Variants in MGAT4C observed in about 807,000 individuals in gnomAD.
MGAT4C encodes MGAT4 family member C.
A neutral mutation model predicts 40.1 loss-of-function variants in MGAT4C; 19 were observed. That is an observed-to-expected ratio of 0.47 (90% CI 0.33 to 0.70). The LOEUF is 0.70. MGAT4C is among the 30% of genes least tolerant of loss of function. The pLI is 0.02. For missense variants in MGAT4C, 491 were observed against 563.2 expected, an observed-to-expected ratio of 0.87 and a Z score of 1.30; for synonymous variants, 181 against 187.1, an observed-to-expected ratio of 0.97 and a Z score of 0.27.
At chr12:86,761,655 G>A (rs1009525815) in intron 1 of MGAT4C, among the ~76,000 whole-genome samples, 2 of 152,132 alleles carry the variant, frequency 1.3e-5, no homozygotes, top group Non-Finnish European at 2.9e-5. Context: ...TGCTCTCATG[G>A]GAGAATTAAT....
At chr12:86,334,024 T>G (rs985050878) in intron 4 of MGAT4C, 1 of 152,174 alleles carries the variant, frequency 6.6e-6, no homozygotes, top group Non-Finnish European at 1.5e-5. Flanking sequence ...GACAGTTATA[T>G]AGCATAGTAA....
intron 1 of MGAT4C, among the ~76,000 whole-genome samples, chr12:86,150,786 G>A (rs1257825913): frequency 1.3e-5 from 2 of 152,180 alleles, no homozygotes; most frequent in African/African-American, 4.8e-5. Context: ...AAAGGTGCAA[G>A]GTGCAAGGAA....
intron 1 of MGAT4C, among the ~76,000 whole-genome samples, chr12:86,779,750 A>G (rs1193428001): frequency 6.6e-6 from 1 of 151,906 alleles, no homozygotes; most frequent in African/African-American, 2.4e-5. Context: ...CATCTCTACT[A>G]AAAATACAAA....
At chr12:86,361,563 G>A (rs1015518063) in intron 3 of MGAT4C, among the ~76,000 whole-genome samples, 2 of 152,164 alleles carry the variant, frequency 1.3e-5, no homozygotes, top group East Asian at 1.9e-4. Flanking sequence ...TACAGAATGG[G>A]AGAAAATTTT....
At chr12:86,742,450 AG>A (rs1360884998) in intron 1 of MGAT4C, among the ~76,000 whole-genome samples, 1 of 151,534 alleles carries the variant, frequency 6.6e-6, no homozygotes, top group East Asian at 1.9e-4. Context: ...TCTGCTTAAT[AG>A]TGCCTTAAAA....
At chr12:86,221,380 T>C (rs918438081) in intron 1 of MGAT4C, among the ~76,000 whole-genome samples, 5 of 152,108 alleles carry the variant, frequency 3.3e-5, no homozygotes, top group African/African-American at 1.2e-4. Context: ...AAGGAGATAA[T>C]ATAAAGAATC....
chr12:86,179,570 G>C (rs899895960), intron 1 of MGAT4C, among the ~76,000 whole-genome samples: 1 of 152,142 alleles, frequency 6.6e-6, no homozygotes, highest in Non-Finnish European at 1.5e-5. Flanking sequence ...AGGCTGAGAT[G>C]GTCTCAGATG....
intron 3 of MGAT4C, among the ~76,000 whole-genome samples, chr12:86,376,836 GAGAGAGAC>G (rs1313124870): frequency 1.9e-5 from 2 of 102,956 alleles, no homozygotes; most frequent in East Asian, 2.7e-4. Flanking sequence ...GAGAGAGAGA[GAGAGAGAC>G]AGAGAGAGAG....
At chr12:86,559,741 C>G (rs542418561) in intron 2 of MGAT4C, among the ~76,000 whole-genome samples, 29 of 151,588 alleles carry the variant, frequency 1.9e-4, no homozygotes, top group Admixed American at 1.1e-3. Context: ...TCTCAAAAAA[C>G]AAGAAAAGCA....
chr12:86,563,368 A>G (rs904244708), intron 2 of MGAT4C, among the ~76,000 whole-genome samples: 1 of 152,214 alleles, frequency 6.6e-6, no homozygotes, highest in African/African-American at 2.4e-5. Flanking sequence ...GCATGGGCTA[A>G]TTAATCACAG....
chr12:86,058,319 A>T (rs932544671), intron 1 of MGAT4C, among the ~76,000 whole-genome samples: 1 of 152,126 alleles, frequency 6.6e-6, no homozygotes, highest in African/African-American at 2.4e-5. Flanking sequence ...TATAAATCTC[A>T]AAAAATCTAT....
chr12:86,714,587 T>C (rs1417181001), intron 2 of MGAT4C, among the ~76,000 whole-genome samples: 1 of 152,108 alleles, frequency 6.6e-6, no homozygotes, highest in African/African-American at 2.4e-5. Flanking sequence ...ATTTGCTCTT[T>C]GCCTGCCACC....
At chr12:86,245,066 C>A (rs1188359219) in intron 1 of MGAT4C, among the ~76,000 whole-genome samples, 1 of 152,108 alleles carries the variant, frequency 6.6e-6, no homozygotes, top group Non-Finnish European at 1.5e-5. Context: ...GGAATTAATG[C>A]CTAGCCAACT....
intron 2 of MGAT4C, among the ~76,000 whole-genome samples, chr12:86,037,989 G>A (rs1891411296): frequency 6.7e-6 from 1 of 149,572 alleles, no homozygotes; most frequent in Admixed American, 6.7e-5. Context: ...GGAGTCAAAG[G>A]AATGGGAAAT....
At chr12:86,785,769 T>A (rs2136188042) in intron 1 of MGAT4C, among the ~76,000 whole-genome samples, 1 of 151,482 alleles carries the variant, frequency 6.6e-6, no homozygotes, top group East Asian at 1.9e-4. Flanking sequence ...ACTGTATATA[T>A]GTGTATATGT....
chr12:86,510,647 T>A (rs1257225986), intron 2 of MGAT4C, among the ~76,000 whole-genome samples: 2 of 151,900 alleles, frequency 1.3e-5, no homozygotes, highest in Admixed American at 1.3e-4. Flanking sequence ...TGGAGGAAGA[T>A]CTACCAAGCA....
chr12:86,577,471 G>C (rs1032695361), intron 2 of MGAT4C, among the ~76,000 whole-genome samples: 11 of 151,658 alleles, frequency 7.3e-5, no homozygotes, highest in African/African-American at 2.7e-4. Flanking sequence ...TTATGTTAAG[G>C]TACGTTTTCT....
chr12:86,307,233 C>T (rs1953955079), intron 4 of MGAT4C, among the ~76,000 whole-genome samples: 1 of 150,420 alleles, frequency 6.6e-6, no homozygotes, highest in Non-Finnish European at 1.5e-5. Flanking sequence ...AGATTTGTCT[C>T]ATAATAATTA....
chr12:86,558,612 A>G (rs900722970), intron 2 of MGAT4C, among the ~76,000 whole-genome samples: 1 of 152,102 alleles, frequency 6.6e-6, no homozygotes, highest in African/African-American at 2.4e-5. Context: ...CAGAAAAGTC[A>G]TCATCACTAA....
Sources: allele counts gnomAD v4.1 joint callset (sites outside exome capture counted in the v4.1 genomes callset), GRCh38; gene constraint gnomAD v4.1.1; transcripts MANE v1.5; gene names NCBI Gene and HGNC (gene_info 2026-07-23, HGNC 2026-07-21).